Variants in PAG1 observed in about 807,000 individuals in gnomAD.
The protein encoded by PAG1 is phosphoprotein associated with glycosphingolipid-enriched microdomains 1.
Under a neutral mutation model 31.7 loss-of-function variants are expected in PAG1, and 23 were observed. That is an observed-to-expected ratio of 0.73 (90% confidence interval 0.52 to 1.03). The LOEUF is 1.03. PAG1 is among the 50% of genes least tolerant of loss of function. The pLI is 0.00. For synonymous variants in PAG1, 214 were observed against 210.3 expected (o/e 1.02, Z -0.15); for missense variants, 473 against 540.7 (o/e 0.87, Z 1.24).
At chr8:81,095,130 C>A (rs1416921139) in intron 1 of PAG1, among the ~76,000 whole-genome samples, 1 of 152,160 alleles carries the variant, frequency 6.6e-6, no homozygotes, top group African/African-American at 2.4e-5. Flanking sequence ...AGATGAGGAC[C>A]AGGTACACAA....
intron 3 of PAG1, among the ~76,000 whole-genome samples, chr8:81,001,152 ATCT>A (rs1807778440): frequency 6.6e-6 from 1 of 152,192 alleles, no homozygotes. Context: ...GCTGAGGCCC[ATCT>A]TTTACAAGTT....
intron 3 of PAG1, among the ~76,000 whole-genome samples, chr8:81,010,013 C>T (rs530454137): frequency 6.6e-6 from 1 of 152,222 alleles, no homozygotes; most frequent in South Asian, 2.1e-4. Context: ...GAAGGTGTCC[C>T]CAGGGTATCT....
intron 1 of PAG1, among the ~76,000 whole-genome samples, chr8:81,080,478 C>T (rs568563546): frequency 1.3e-5 from 2 of 152,208 alleles, no homozygotes; most frequent in African/African-American, 4.8e-5. Flanking sequence ...GTAAGAAAAA[C>T]AACAGTGTTG....
intron 1 of PAG1, among the ~76,000 whole-genome samples, chr8:81,104,054 C>A (rs1012451088): frequency 8.6e-5 from 13 of 150,784 alleles, no homozygotes; most frequent in African/African-American, 3.0e-4. Context: ...GAAATTCATG[C>A]CTTGTTATTT....
At chr8:81,051,957 C>T (rs1179609080) in intron 2 of PAG1, among the ~76,000 whole-genome samples, 1 of 151,700 alleles carries the variant, frequency 6.6e-6, no homozygotes, top group South Asian at 2.1e-4. Context: ...GGTGAAACCC[C>T]GTCTCTACTA....
chr8:81,089,953 T>C (rs1201819712), intron 1 of PAG1, among the ~76,000 whole-genome samples: 1 of 152,204 alleles, frequency 6.6e-6, no homozygotes, highest in Non-Finnish European at 1.5e-5. Context: ...ATATTGAGTC[T>C]CTCAATCCAT....
intron 1 of PAG1, among the ~76,000 whole-genome samples, chr8:81,094,909 G>T (rs1032430996): frequency 1.3e-5 from 2 of 152,322 alleles, no homozygotes; most frequent in East Asian, 3.9e-4. Context: ...GTGTGACCTT[G>T]AGCCAGATGC....
At chr8:81,023,259 A>G (rs569503816) in intron 3 of PAG1, among the ~76,000 whole-genome samples, 77 of 152,260 alleles carry the variant, frequency 5.1e-4, no homozygotes, top group Non-Finnish European at 8.8e-4. Flanking sequence ...TTCATCATGT[A>G]ATGAAATGCA....
chr8:81,087,670 A>G (rs776947000), intron 1 of PAG1, among the ~76,000 whole-genome samples: 17 of 152,224 alleles, frequency 1.1e-4, no homozygotes, highest in Non-Finnish European at 1.6e-4. Context: ...TACAGGGCAC[A>G]CTGAGTAGGA....
At chr8:81,086,341 A>G (rs2131040245) in intron 1 of PAG1, among the ~76,000 whole-genome samples, 1 of 152,184 alleles carries the variant, frequency 6.6e-6, no homozygotes, top group Middle Eastern at 3.4e-3. Context: ...AATAATGAAT[A>G]TTTACTCTAA....
At chr8:80,977,465 T>C (rs1203400850) in intron 8 of PAG1, among the ~76,000 whole-genome samples, 1 of 152,130 alleles carries the variant, frequency 6.6e-6, no homozygotes, top group Non-Finnish European at 1.5e-5. Flanking sequence ...CAGTAAAGTA[T>C]AAGAACTCTG....
chr8:81,008,897 T>C, intron 3 of PAG1, among the ~76,000 whole-genome samples: 1 of 152,320 alleles, frequency 6.6e-6, no homozygotes, highest in Middle Eastern at 3.4e-3. Flanking sequence ...ATTATCTTGA[T>C]TTATCTGAAT....
chr8:81,056,988 A>G (rs1808834839), intron 2 of PAG1, among the ~76,000 whole-genome samples: 1 of 152,268 alleles, frequency 6.6e-6, no homozygotes, highest in Non-Finnish European at 1.5e-5. Context: ...ATCACTGGCC[A>G]TCGGAGAAAT....
At chr8:81,044,942 T>C (rs1034674019) in intron 2 of PAG1, among the ~76,000 whole-genome samples, 9 of 152,186 alleles carry the variant, frequency 5.9e-5, no homozygotes, top group Admixed American at 3.9e-4. Flanking sequence ...CATAACTGGC[T>C]GTCCTTGTAA....
rs143276489 is a variant in PAG1 at position 81,083,624 on chromosome 8, G to A, written c.-233-13454C>T. Among the ~76,000 whole-genome samples the A allele has an allele frequency of 1.6e-4, 25 of 152,154 alleles. No individual in the cohort carries two copies. In the East Asian group the frequency reaches 4.8e-3, roughly 29 times the overall value. On this transcript the variant is annotated intron_variant, in intron 1 of 8. Coordinates refer to ENST00000220597, the MANE Select transcript of PAG1 (RefSeq NM_018440.4). ...TTATTATCTAAAAGTTTTCCATTTT[G>A]CTAGGCTCTACCTTTTCTAGTCCTC...
At chr8:81,020,478 C>T (rs1014035494) in intron 3 of PAG1, among the ~76,000 whole-genome samples, 12 of 152,134 alleles carry the variant, frequency 7.9e-5, no homozygotes, top group African/African-American at 1.7e-4. Flanking sequence ...GAATGGGTCT[C>T]GTGAGATCTG....
intron 1 of PAG1, among the ~76,000 whole-genome samples, chr8:81,092,189 CAAAAAAA>C (rs58417714): frequency 0.012 from 865 of 71,418 alleles, 9 homozygotes; most frequent in African/African-American, 0.026. Flanking sequence ...CACATCTCTG[CAAAAAAA>C]AAAAAAAAAA....
chr8:81,045,649 T>G (rs887248405), intron 2 of PAG1, among the ~76,000 whole-genome samples: 1 of 152,180 alleles, frequency 6.6e-6, no homozygotes, highest in East Asian at 1.9e-4. Context: ...TGAAAGCCAC[T>G]GAACTGTATA....
chr8:81,058,743 A>G (rs1808868637), intron 2 of PAG1: 1 of 151,956 alleles, frequency 6.6e-6, no homozygotes, highest in Non-Finnish European at 1.5e-5. Context: ...CGAAAGATAA[A>G]AAAGTAGCCA....
Sources: allele counts gnomAD v4.1 joint callset (sites outside exome capture counted in the v4.1 genomes callset), GRCh38; gene constraint gnomAD v4.1.1; transcripts MANE v1.5; gene names NCBI Gene and HGNC (gene_info 2026-07-23, HGNC 2026-07-21).